DENND6A: variants seen among roughly 807,000 people sequenced by gnomAD.
DENND6A encodes the protein protein DENND6A.
A neutral mutation model predicts 95.5 loss-of-function variants in DENND6A; 43 were observed. The ratio of observed to expected loss-of-function variants is 0.45; its 90% CI spans 0.35 to 0.58. DENND6A has a LOEUF of 0.58. Ranked by LOEUF, DENND6A falls within the 20% of genes least tolerant of loss-of-function variation. The pLI, the probability that DENND6A is intolerant of heterozygous loss-of-function variation, is 0.00. For synonymous variants in DENND6A, 257 were observed against 260.4 expected (o/e 0.99, Z 0.13); for missense variants, 574 against 736.0 (o/e 0.78, Z 2.55).
chr3:57,665,895 C>A, intron 4 of DENND6A: 1 of 399,132 alleles, frequency 2.5e-6, no homozygotes, highest in Non-Finnish European at 4.5e-6. Context: ...CATTCTAATC[C>A]ATTTTTATAA....
At chr3:57,650,990 G>A (rs572417488) in intron 9 of DENND6A, among the ~76,000 whole-genome samples, 6 of 152,196 alleles carry the variant, frequency 3.9e-5, no homozygotes, top group South Asian at 4.1e-4. Flanking sequence ...CTCCATGCCA[G>A]TCAGACTGGT....
rs139465813 is a variant in DENND6A, at chr3:57,651,824, A to C, written c.819-5386T>G. On this transcript the variant is annotated intron_variant, in intron 9 of 19. Coordinates refer to ENST00000311128, the MANE Select transcript of DENND6A (RefSeq NM_152678.3). ...TCACTGGCTAAACTGGGACAATTTGAATATCAAAATAGGTAATAATGGATT... is the reference window on the plus strand; with the variant it reads ...TCACTGGCTAAACTGGGACAATTTGCATATCAAAATAGGTAATAATGGATT... Among the ~76,000 whole-genome samples, 118 of 152,332 alleles carry C rather than the reference A, an allele frequency of 7.7e-4. 1 individual carries two copies. The highest frequency in any genetic ancestry group is 2.4e-3 in the African/African-American group (98 of 41,570).
intron 1 of DENND6A, among the ~76,000 whole-genome samples, chr3:57,683,763 T>C (rs1032475678): frequency 5.9e-5 from 9 of 152,264 alleles, no homozygotes; most frequent in Middle Eastern, 3.4e-3. Flanking sequence ...AACAACACAG[T>C]ATAGTGGGGG....
chr3:57,660,016 C>T (rs1197564985), intron 7 of DENND6A, among the ~76,000 whole-genome samples: 1 of 152,184 alleles, frequency 6.6e-6, no homozygotes, highest in Non-Finnish European at 1.5e-5. Flanking sequence ...GCAAACTCTA[C>T]AGGATGCCAT....
At chr3:57,651,567 T>C (rs11708662) in intron 9 of DENND6A, among the ~76,000 whole-genome samples, 24,643 of 152,056 alleles carry the variant, frequency 0.16, 2,671 homozygotes, top group East Asian at 0.48. Context: ...GTGATGAAAA[T>C]GTTCTGGAAT....
intron 3 of DENND6A, among the ~76,000 whole-genome samples, chr3:57,668,635 T>G (rs1212360544): frequency 6.6e-6 from 1 of 152,014 alleles, no homozygotes; most frequent in African/African-American, 2.4e-5. Context: ...TTTTTTAAAG[T>G]CAGGAGAATC....
intron 15 of DENND6A, among the ~76,000 whole-genome samples, chr3:57,632,254 G>C (rs1006855500): frequency 6.6e-6 from 1 of 151,496 alleles, no homozygotes; most frequent in African/African-American, 2.4e-5. Flanking sequence ...TCGATCTCCT[G>C]ACCTCGTGAT....
chr3:57,664,232 G>A (rs2071490302), intron 4 of DENND6A, among the ~76,000 whole-genome samples: 1 of 152,080 alleles, frequency 6.6e-6, no homozygotes, highest in Admixed American at 6.6e-5. Context: ...ACAATTTCAA[G>A]AGAGAAAATA....
At chr3:57,684,169 A>AAC (rs2077191240) in intron 1 of DENND6A, among the ~76,000 whole-genome samples, 1 of 146,636 alleles carries the variant, frequency 6.8e-6, no homozygotes, top group Admixed American at 6.8e-5. Flanking sequence ...AAAAAAAAAA[A>AAC]AGAGTTTATG....
At chr3:57,649,187 T>C (rs761247581) in intron 9 of DENND6A, among the ~76,000 whole-genome samples, 2 of 152,034 alleles carry the variant, frequency 1.3e-5, no homozygotes, top group Non-Finnish European at 2.9e-5. Context: ...CATCAAAAAG[T>C]GGGCTAAGGA....
intron 15 of DENND6A, among the ~76,000 whole-genome samples, chr3:57,632,021 C>CTTTTTTT (rs771800755): frequency 1.0e-5 from 1 of 96,026 alleles, no homozygotes; most frequent in African/African-American, 4.1e-5. Flanking sequence ...CGCGCCCGGC[C>CTTTTTTT]TTTTTTTTTT....
At chr3:57,640,228 C>T (rs905788897) in intron 12 of DENND6A, among the ~76,000 whole-genome samples, 11 of 147,874 alleles carry the variant, frequency 7.4e-5, no homozygotes, top group Non-Finnish European at 1.5e-4. Flanking sequence ...GAGATCATGC[C>T]ACTGCACTCC....
intron 9 of DENND6A, among the ~76,000 whole-genome samples, chr3:57,654,041 G>A (rs1487619330): frequency 8.9e-5 from 12 of 134,802 alleles, no homozygotes; most frequent in Non-Finnish European, 9.2e-5. Flanking sequence ...TCCACCTCCC[G>A]GGTTCACACC....
At chr3:57,662,591 T>TA (rs968908059) in intron 5 of DENND6A, among the ~76,000 whole-genome samples, 2 of 151,784 alleles carry the variant, frequency 1.3e-5, no homozygotes, top group African/African-American at 2.4e-5. Context: ...TACTGGCTCT[T>TA]AAAAAAAATA....
intron 9 of DENND6A, 107 bp from the exon 10 acceptor site, chr3:57,646,545 C>T (rs1326563640): frequency 7.1e-7 from 1 of 1,399,872 alleles, no homozygotes; most frequent in East Asian, 2.6e-5. Flanking sequence ...ATTCTTCCTG[C>T]TATTTGTATC....
At position 57,692,863 on chromosome 3, in the gene DENND6A, C is replaced by G; in HGVS notation, c.156G>C (p.Leu52=). The G allele has an allele frequency of 6.3e-7, 1 of 1,585,088 alleles. No homozygotes were observed. The highest frequency in any genetic ancestry group is 1.1e-5 in the South Asian group (1 of 87,140). Reference sequence around the variant, plus strand: ...AGGCGGAGAAGCTGTCCCAGCGCAGCAGGCCCCGGCCACGGCCATCGTCCT... The same window carrying G: ...AGGCGGAGAAGCTGTCCCAGCGCAGGAGGCCCCGGCCACGGCCATCGTCCT... ...DEEDDGRGRG[L]LRWDSFSAWL... The change falls in exon 1 of 20, where the codon CTG becomes CTC. Residue 52 remains leucine, a synonymous_variant. Coordinates refer to ENST00000311128, the MANE Select transcript of DENND6A (RefSeq NM_152678.3).
rs757428591 is a variant in DENND6A, at chr3:57,630,469, T to C, written c.1572A>G (p.Glu524=). ...GGAGTGCCTCCAATTTTTGGGTCAT[T>C]TCCTTCCTCCGGGTCTTAAACCAGC... ...FDGWFKTRRK[E]MTQKLEALHL... is the part of the protein sequence containing the mutation. Residue 524 remains glutamate, a synonymous_variant, in exon 18 of 20, where the codon GAA becomes GAG. Transcript: ENST00000311128. 8 of 1,596,614 alleles carry C rather than the reference T, an allele frequency of 5.0e-6. No individual in the cohort carries two copies. Among genetic ancestry groups the C allele is most frequent in the Non-Finnish European group, 6.0e-6 (7 of 1,176,466 alleles).
intron 4 of DENND6A, among the ~76,000 whole-genome samples, chr3:57,664,999 C>A (rs1345403300): frequency 6.6e-6 from 1 of 152,132 alleles, no homozygotes; most frequent in Non-Finnish European, 1.5e-5. Context: ...AAGACAAAGG[C>A]ATTCCAAGTT....
At chr3:57,640,449 C>T (rs1014859155) in intron 12 of DENND6A, among the ~76,000 whole-genome samples, 4 of 151,604 alleles carry the variant, frequency 2.6e-5, no homozygotes, top group Admixed American at 2.0e-4. Context: ...AAAAATTAGC[C>T]GGGCAAGGAG....
Sources: allele counts gnomAD v4.1 joint callset (sites outside exome capture counted in the v4.1 genomes callset), GRCh38; gene constraint gnomAD v4.1.1; transcripts MANE v1.5; gene names NCBI Gene and HGNC (gene_info 2026-07-23, HGNC 2026-07-21).